CDH13: variants seen among roughly 807,000 people sequenced by gnomAD.
The protein encoded by CDH13 is cadherin-13.
In CDH13, 24 loss-of-function variants were observed where a neutral mutation model predicts 63.8. The ratio of observed to expected loss-of-function variants is 0.38; its 90% CI spans 0.27 to 0.53. The LOEUF (loss-of-function observed/expected upper bound fraction) is 0.53, where lower values mean the gene tolerates loss of function less well. CDH13 is among the 20% of genes least tolerant of loss of function. CDH13 has a pLI of 0.85. For missense variants in CDH13, 1,049 were observed against 903.1 expected (o/e 1.16, Z -2.07); for synonymous variants, 503 against 355.3 (o/e 1.42, Z -4.67).
intron 1 of CDH13, among the ~76,000 whole-genome samples, chr16:82,845,971 A>C (rs553882635): frequency 7.2e-5 from 11 of 152,344 alleles, no homozygotes; most frequent in African/African-American, 2.6e-4. Context: ...TTCCATTTAG[A>C]CAAAAATTGT....
intron 1 of CDH13, among the ~76,000 whole-genome samples, chr16:82,650,986 C>T (rs1228838139): frequency 6.6e-6 from 1 of 152,150 alleles, no homozygotes; most frequent in African/African-American, 2.4e-5. Flanking sequence ...TTAATCTTAT[C>T]TGGCAGCTAA....
At chr16:83,467,233 C>T (rs776648963) in intron 6 of CDH13, among the ~76,000 whole-genome samples, 9 of 152,204 alleles carry the variant, frequency 5.9e-5, no homozygotes, top group Non-Finnish European at 1.2e-4. Context: ...ATACACCGTG[C>T]ACATTTTTCT....
chr16:82,772,999 A>G (rs2035332228), intron 1 of CDH13, among the ~76,000 whole-genome samples: 1 of 152,138 alleles, frequency 6.6e-6, no homozygotes, highest in African/African-American at 2.4e-5. Flanking sequence ...CCATGTAGAG[A>G]GCGCACGAGA....
intron 4 of CDH13, among the ~76,000 whole-genome samples, chr16:83,208,226 C>G (rs1240284118): frequency 6.6e-6 from 1 of 152,194 alleles, no homozygotes. Flanking sequence ...TGGCCATGAG[C>G]TTTCCTTAGT....
intron 10 of CDH13, among the ~76,000 whole-genome samples, chr16:83,701,748 G>A (rs1279613485): frequency 6.6e-6 from 1 of 152,096 alleles, no homozygotes; most frequent in African/African-American, 2.4e-5. Flanking sequence ...CCCACCAATT[G>A]CCCAGCACTC....
intron 8 of CDH13, among the ~76,000 whole-genome samples, chr16:83,604,268 C>T (rs1009637655): frequency 6.6e-6 from 1 of 152,154 alleles, no homozygotes; most frequent in African/African-American, 2.4e-5. Context: ...TTGCTCCATT[C>T]TCTGACTTCC....
intron 10 of CDH13, among the ~76,000 whole-genome samples, chr16:83,692,673 G>A (rs986641537): frequency 6.6e-6 from 1 of 152,168 alleles, no homozygotes; most frequent in Non-Finnish European, 1.5e-5. Flanking sequence ...TGGAAGCAAA[G>A]GAAACTGACC....
chr16:83,791,895 G>A (rs895774541), intron 13 of CDH13, among the ~76,000 whole-genome samples: 1 of 150,472 alleles, frequency 6.6e-6, no homozygotes, highest in Non-Finnish European at 1.5e-5. Context: ...CGTATTGTTT[G>A]CATAAAACAA....
intron 10 of CDH13, among the ~76,000 whole-genome samples, chr16:83,682,499 G>A (rs1915488419): frequency 6.6e-6 from 1 of 152,186 alleles, no homozygotes; most frequent in African/African-American, 2.4e-5. Flanking sequence ...ATGTTCTGTA[G>A]AGGGGAAAGT....
intron 4 of CDH13, among the ~76,000 whole-genome samples, chr16:83,140,978 A>G (rs781764354): frequency 1.8e-4 from 27 of 152,180 alleles, no homozygotes; most frequent in Non-Finnish European, 3.8e-4. Context: ...CTAAACAGAC[A>G]ATTTTCACAT....
intron 10 of CDH13, among the ~76,000 whole-genome samples, chr16:83,720,728 G>A (rs548849998): frequency 2.6e-5 from 4 of 152,198 alleles, no homozygotes; most frequent in Non-Finnish European, 4.4e-5. Context: ...TCTGAGAAAA[G>A]AGGGAATCCG....
intron 7 of CDH13, among the ~76,000 whole-genome samples, chr16:83,524,703 C>T (rs1206292652): frequency 1.3e-5 from 2 of 152,074 alleles, no homozygotes; most frequent in African/African-American, 4.8e-5. Flanking sequence ...CCGCCCGCCT[C>T]GGCCTTCCAA....
At chr16:83,063,625 T>A (rs1344099051) in intron 3 of CDH13, among the ~76,000 whole-genome samples, 1 of 152,204 alleles carries the variant, frequency 6.6e-6, no homozygotes, top group South Asian at 2.1e-4. Flanking sequence ...ATTAGGGAGA[T>A]GTTGTTTATC....
At chr16:83,364,814 C>T (rs1474875758) in intron 6 of CDH13, among the ~76,000 whole-genome samples, 1 of 152,154 alleles carries the variant, frequency 6.6e-6, no homozygotes, top group East Asian at 1.9e-4. Flanking sequence ...GAAATTGGTT[C>T]TTCCAAACAC....
At chr16:83,252,701 G>A (rs1486927369) in intron 5 of CDH13, among the ~76,000 whole-genome samples, 4 of 152,194 alleles carry the variant, frequency 2.6e-5, no homozygotes. Flanking sequence ...ACTTGGTGGA[G>A]ATGTTTTTGA....
chr16:83,587,510 G>C (rs1906285568), intron 7 of CDH13, among the ~76,000 whole-genome samples: 1 of 152,168 alleles, frequency 6.6e-6, no homozygotes, highest in Non-Finnish European at 1.5e-5. Flanking sequence ...TTACACAGCA[G>C]AACGCAATTT....
rs147157379 is a variant in CDH13, at chr16:83,649,351, C to G, written c.1102-21439C>G. On this transcript the variant is annotated intron_variant, in intron 8 of 13. Transcript: ENST00000567109. ...ACAGTGCTTATTTTTGTGCTCCCTA[C>G]CTTCATTGCATTTTTCAATATATTT... Among the ~76,000 whole-genome samples the G allele has an allele frequency of 3.1e-3, 473 of 152,288 alleles. 2 individuals are homozygous for G. Among genetic ancestry groups the G allele is most frequent in the African/African-American group, 0.011 (455 of 41,560 alleles).
chr16:82,794,880 T>G (rs8059524), intron 1 of CDH13, among the ~76,000 whole-genome samples: 145,219 of 152,180 alleles, frequency 0.95, 69,669 homozygotes, highest in East Asian at 1. Context: ...TTTACCTCCC[T>G]CACTGGCACA....
intron 13 of CDH13, among the ~76,000 whole-genome samples, chr16:83,791,105 G>A (rs547988212): frequency 6.6e-6 from 1 of 151,758 alleles, no homozygotes. Flanking sequence ...ATTGGATAAG[G>A]CTGGGAGTTT....
Sources: allele counts gnomAD v4.1 joint callset (sites outside exome capture counted in the v4.1 genomes callset), GRCh38; gene constraint gnomAD v4.1.1; transcripts MANE v1.5; gene names NCBI Gene and HGNC (gene_info 2026-07-23, HGNC 2026-07-21).